NRXN1: variants seen among roughly 807,000 people sequenced by gnomAD.
NRXN1 encodes neurexin-1.
A neutral mutation model predicts 150.9 loss-of-function variants in NRXN1; 39 were observed. That is an observed-to-expected ratio of 0.26 (90% CI 0.20 to 0.34). The LOEUF (loss-of-function observed/expected upper bound fraction) is 0.34. Among genes scored for constraint, NRXN1 ranks in the 10% least tolerant of loss-of-function variants. NRXN1 has a pLI of 1.00. For missense variants in NRXN1, 1,815 were observed against 1,949.9 expected, an observed-to-expected ratio of 0.93 and a Z score of 1.30; for synonymous variants, 924 against 757.0, an observed-to-expected ratio of 1.22 and a Z score of -3.62.
intron 18 of NRXN1, among the ~76,000 whole-genome samples, chr2:50,213,712 T>C (rs778489614): frequency 7.9e-5 from 9 of 113,972 alleles, no homozygotes; most frequent in Admixed American, 5.7e-4. Flanking sequence ...GTTCAAAGAA[T>C]CTTGTTTGGA....
intron 17 of NRXN1, among the ~76,000 whole-genome samples, chr2:50,397,241 A>G (rs1217412694): frequency 6.6e-6 from 1 of 152,044 alleles, no homozygotes; most frequent in African/African-American, 2.4e-5. Context: ...TTAGCCAGAG[A>G]GCTATTAGAG....
intron 15 of NRXN1, among the ~76,000 whole-genome samples, chr2:50,479,370 C>A (rs1455775716): frequency 1.3e-5 from 2 of 152,104 alleles, no homozygotes; most frequent in African/African-American, 2.4e-5. Flanking sequence ...AACTCAAACT[C>A]CACCTTGGAA....
At chr2:50,447,272 G>A (rs538167871) in intron 17 of NRXN1, among the ~76,000 whole-genome samples, 2 of 151,824 alleles carry the variant, frequency 1.3e-5, no homozygotes, top group African/African-American at 2.4e-5. Context: ...TCAGAATTTC[G>A]AGATCAGCCT....
chr2:50,051,692 T>C (rs1298473366), intron 21 of NRXN1, among the ~76,000 whole-genome samples: 6 of 152,052 alleles, frequency 3.9e-5, no homozygotes, highest in African/African-American at 1.4e-4. Flanking sequence ...ACCTTATAAA[T>C]CCTAACGAGA....
At chr2:50,985,781 C>G (rs780494031) in intron 2 of NRXN1, among the ~76,000 whole-genome samples, 3 of 150,888 alleles carry the variant, frequency 2.0e-5, no homozygotes, top group Non-Finnish European at 3.0e-5. Context: ...ATACATTTAC[C>G]CATATAAAAA....
At chr2:50,423,304 T>A (rs2084148058) in intron 17 of NRXN1, among the ~76,000 whole-genome samples, 1 of 152,126 alleles carries the variant, frequency 6.6e-6, no homozygotes, top group African/African-American at 2.4e-5. Context: ...TATTTGTGAT[T>A]GATTGATTGG....
chr2:50,608,497 C>T (rs1677498044), intron 8 of NRXN1, among the ~76,000 whole-genome samples: 1 of 151,712 alleles, frequency 6.6e-6, no homozygotes, highest in South Asian at 2.1e-4. Context: ...GCTTTATTTC[C>T]TTTTAAACTA....
chr2:50,373,671 AAAGAAAGAAAAGAAAGAAGG>A (rs2080246686), intron 17 of NRXN1, among the ~76,000 whole-genome samples: 1 of 98,612 alleles, frequency 1.0e-5, no homozygotes. Context: ...AGAAAGAAAG[AAAGAAAGAAAAGAAAGAAGG>A]AAAGAAAGAA....
intron 17 of NRXN1, among the ~76,000 whole-genome samples, chr2:50,434,536 A>T (rs1438239705): frequency 1.3e-5 from 2 of 152,190 alleles, no homozygotes; most frequent in Non-Finnish European, 2.9e-5. Flanking sequence ...AGTAAGTGAC[A>T]TATCCTGAAT....
intron 18 of NRXN1, among the ~76,000 whole-genome samples, chr2:50,094,841 T>C (rs1221335254): frequency 1.3e-5 from 2 of 152,078 alleles, no homozygotes; most frequent in East Asian, 1.9e-4. Context: ...AATGACCATC[T>C]GAAGGAAGTG....
At chr2:50,855,887 G>A (rs376436874) in intron 5 of NRXN1, among the ~76,000 whole-genome samples, 13 of 151,978 alleles carry the variant, frequency 8.6e-5, no homozygotes, top group Non-Finnish European at 1.3e-4. Flanking sequence ...GAAAAAGTAC[G>A]GTTAAACAAA....
intron 5 of NRXN1, among the ~76,000 whole-genome samples, chr2:50,736,268 T>C (rs937771109): frequency 2.0e-5 from 3 of 152,188 alleles, no homozygotes; most frequent in Non-Finnish European, 4.4e-5. Flanking sequence ...CCCATTCCTC[T>C]TTCTGAATTC....
intron 5 of NRXN1, among the ~76,000 whole-genome samples, chr2:50,724,769 T>A (rs1313077894): frequency 6.6e-6 from 1 of 152,296 alleles, no homozygotes; most frequent in East Asian, 1.9e-4. Flanking sequence ...TATGTGTGTG[T>A]GTGATGAGGT....
chr2:50,995,195 T>C (rs1268813399), intron 2 of NRXN1, among the ~76,000 whole-genome samples: 2 of 151,864 alleles, frequency 1.3e-5, no homozygotes, highest in Non-Finnish European at 2.9e-5. Context: ...AAAAGGATGT[T>C]AGAGGTCATT....
intron 18 of NRXN1, among the ~76,000 whole-genome samples, chr2:50,203,136 G>A (rs1168975797): frequency 6.6e-6 from 1 of 152,116 alleles, no homozygotes; most frequent in Non-Finnish European, 1.5e-5. Context: ...CTATTGCCAG[G>A]TCTTCTGATA....
intron 21 of NRXN1, among the ~76,000 whole-genome samples, chr2:50,032,833 T>G (rs1228443346): frequency 1.3e-5 from 2 of 151,850 alleles, no homozygotes; most frequent in African/African-American, 2.4e-5. Flanking sequence ...ATTGAATGGA[T>G]GGACACTTTA....
chr2:50,262,903 G>C (rs889121727), intron 17 of NRXN1, among the ~76,000 whole-genome samples: 5 of 151,742 alleles, frequency 3.3e-5, no homozygotes, highest in African/African-American at 1.2e-4. Context: ...TGGAGTTTTT[G>C]GCAAAGAATT....
At position 50,762,944 on chromosome 2, in the gene NRXN1, T is replaced by C. The variant is rs538514796; in HGVS notation, c.833-139329A>G. Among the ~76,000 whole-genome samples, 16 of 152,118 alleles carry C rather than the reference T, an allele frequency of 1.1e-4. No individual in the cohort carries two copies. In the East Asian group the frequency reaches 3.1e-3, roughly 30 times the overall value. ...GGTGCAAGCTTCTTGCTTTAGAGCATCTATACAGTTGTTGCTCCTGGCTGA... is the reference window on the plus strand; with the variant it reads ...GGTGCAAGCTTCTTGCTTTAGAGCACCTATACAGTTGTTGCTCCTGGCTGA... On this transcript the variant is annotated intron_variant, in intron 5 of 22. Coordinates refer to ENST00000401669, the MANE Select transcript of NRXN1 (RefSeq NM_001330078.2).
intron 20 of NRXN1, among the ~76,000 whole-genome samples, chr2:50,054,326 C>T (rs1026674825): frequency 1.3e-5 from 2 of 152,008 alleles, no homozygotes; most frequent in African/African-American, 4.8e-5. Context: ...GGCACATTTC[C>T]ATCAAACAGC....
Sources: gnomAD v4.1 joint callset for allele counts (sites outside exome capture counted in the v4.1 genomes callset) on GRCh38, gnomAD v4.1.1 for gene constraint, MANE v1.5 for transcripts, NCBI Gene and HGNC (gene_info 2026-07-23, HGNC 2026-07-21) for gene names.